UBA3: variants seen among roughly 807,000 people sequenced by gnomAD.
UBA3 encodes the protein ubiquitin like modifier activating enzyme 3, also known as NEDD8-activating enzyme E1 catalytic subunit.
Under a neutral mutation model 73.5 loss-of-function variants are expected in UBA3, and 26 were observed. That is an observed-to-expected ratio of 0.35 (90% CI 0.26 to 0.49). The LOEUF is 0.49. Among genes scored for constraint, UBA3 ranks in the 20% least tolerant of loss-of-function variants. The probability of loss-of-function intolerance (pLI) is 0.98; values close to 1 mark genes in which losing one functional copy is unlikely to be tolerated. For synonymous variants in UBA3, 217 were observed against 191.2 expected (o/e 1.13, Z -1.11); for missense variants, 495 against 555.6 (o/e 0.89, Z 1.10).
intron 4 of UBA3, among the ~76,000 whole-genome samples, chr3:69,072,239 C>G (rs116129393): frequency 0.016 from 2,405 of 152,244 alleles, 62 homozygotes; most frequent in African/African-American, 0.056. Context: ...TCAAATTTAG[C>G]AGCAGATGCA....
chr3:69,065,519 T>G (rs896021828), intron 6 of UBA3, among the ~76,000 whole-genome samples: 3 of 152,228 alleles, frequency 2.0e-5, no homozygotes, highest in African/African-American at 7.2e-5. Flanking sequence ...AAGATCTCTC[T>G]GCAGCCTCCA....
In UBA3 at chr3:69,065,083, A is replaced by G. The variant is rs566420392; in HGVS notation, c.429-972T>C. Among the ~76,000 whole-genome samples the G allele has an allele frequency of 1.2e-4, 19 of 152,246 alleles. No homozygotes were observed. The South Asian group carries it at 3.7e-3, about 30-fold the overall frequency. ...GGAGAACGAAGCTACAGCTAGAAAGAGGTCAAAAAAGAAACAAAGCAAACA... is the reference window on the plus strand; with the variant it reads ...GGAGAACGAAGCTACAGCTAGAAAGGGGTCAAAAAAGAAACAAAGCAAACA... On this transcript the variant is annotated intron_variant, in intron 6 of 17. Transcript: ENST00000361055.
rs1168236865 is a variant in UBA3, at chr3:69,055,451, G to T, written c.1378C>A (p.His460Asn). The T allele has an allele frequency of 2.0e-6, 3 of 1,520,994 alleles. No individual in the cohort carries two copies. The highest frequency in any genetic ancestry group is 2.6e-6 in the Non-Finnish European group (3 of 1,145,430). The allele number at this position is 1,520,994 out of a possible 1,614,324, so 94.2% of individuals were successfully genotyped here. ...TTPQTVLFKL[H>N]FTS ...GGAGATTTTCCTTAAGAAGTAAAAT[G>T]AAGTTTGAATAGTACAGTCTGTGGG... Residue 460 changes from histidine to asparagine, a missense_variant, in exon 18 of 18, where the codon CAT (histidine) becomes AAT (asparagine). Transcript: ENST00000361055.
Position 69,063,099 on chromosome 3 carries a change from T to G in UBA3, c.576A>C (p.Pro192=), listed in dbSNP as rs760423085. The change falls in exon 9 of 18, where the codon CCA becomes CCC. Residue 192 remains proline (P), a synonymous_variant. Transcript: ENST00000361055. ...CATCTATCAAAGGGACAATGGAGCT[T>G]GGATCTAAGACACCATCTTCATAAT... The part of the protein sequence containing the change: ...LLNYEDGVLD[P]SSIVPLIDGG... 14 of 1,613,950 alleles carry G rather than the reference T, an allele frequency of 8.7e-6. No homozygotes were observed. In the Admixed American group the frequency reaches 1.7e-4, roughly 19 times the overall value.
intron 5 of UBA3, chr3:69,071,174 C>A (rs2092119576): frequency 1.2e-5 from 2 of 167,844 alleles, no homozygotes; most frequent in African/African-American, 4.8e-5. Flanking sequence ...CAATCTCTCA[C>A]TAGGGCCTAA....
chr3:69,062,156 A>G lies in UBA3; in HGVS notation c.717T>C (p.Ile239=). Residue 239 remains isoleucine (I), a synonymous_variant, in exon 10 of 18, where the codon ATT becomes ATC. Transcript: ENST00000361055. ...GTTCTGGTAGCCTGGGCATAGATGCAATGGTGCACATGGGAAAATTAACCT... is the reference window on the plus strand; with the variant it reads ...GTTCTGGTAGCCTGGGCATAGATGCGATGGTGCACATGGGAAAATTAACCT... ...PPQVNFPMCT[I]ASMPRLPEHC... 6.2e-7 allele frequency: 1 copy of G among 1,613,300 alleles called. No homozygotes were observed. Among genetic ancestry groups the G allele is most frequent in the Non-Finnish European group, 8.5e-7 (1 of 1,179,334 alleles).
chr3:69,067,380 T>C (rs1358270820), intron 6 of UBA3, among the ~76,000 whole-genome samples: 2 of 152,244 alleles, frequency 1.3e-5, no homozygotes, highest in East Asian at 3.8e-4. Flanking sequence ...ACCGGTATGT[T>C]GATTTTGTAT....
intron 2 of UBA3, among the ~76,000 whole-genome samples, chr3:69,079,148 AAT>A (rs375586646): frequency 3.0e-4 from 45 of 152,350 alleles, no homozygotes; most frequent in African/African-American, 1.0e-3. Context: ...CAGATTACTT[AAT>A]AGACATAAAC....
chr3:69,055,746 CCATATACAAGG>C, intron 17 of UBA3, 94 bp downstream of exon 17: 1 of 1,097,590 alleles, frequency 9.1e-7, no homozygotes, highest in East Asian at 2.4e-5. Context: ...TATTACCTGA[CCATATACAAGG>C]CATTAAGAGG....
rs370923957 is a variant in UBA3 at position 69,056,080 on chromosome 3, G to C, written c.1185-17C>G. The C allele has an allele frequency of 2.2e-5, 35 of 1,585,872 alleles. No individual in the cohort carries two copies. The East Asian group carries it at 3.8e-4, about 17-fold the overall frequency. On this transcript the variant is annotated splice_polypyrimidine_tract_variant and intron_variant, in intron 15 of 17. Coordinates refer to ENST00000361055, the MANE Select transcript of UBA3 (RefSeq NM_003968.4). ...TTCATTTGCCTAAAGATTATGATGA[G>C]AGAGAAGTATCAAACATAATTTTTA...
intron 12 of UBA3, 115 bp from the exon 13 acceptor site, chr3:69,056,930 T>C: frequency 1.7e-6 from 2 of 1,190,792 alleles, no homozygotes; most frequent in Non-Finnish European, 2.4e-6. Context: ...AAAATACATA[T>C]TCCAATTTTT....
intron 6 of UBA3, among the ~76,000 whole-genome samples, chr3:69,066,593 G>A (rs748919084): frequency 2.6e-5 from 4 of 151,878 alleles, no homozygotes; most frequent in African/African-American, 4.8e-5. Flanking sequence ...CACTGTGCCC[G>A]GCTAATTTTT....
intron 2 of UBA3, among the ~76,000 whole-genome samples, chr3:69,079,215 C>T (rs372565065): frequency 1.3e-5 from 2 of 152,280 alleles, no homozygotes; most frequent in South Asian, 4.1e-4. Flanking sequence ...TATAGATAAT[C>T]ACACAGAAGA....
intron 1 of UBA3, 83 bp downstream of exon 1, chr3:69,080,251 C>T (rs923522396): frequency 3.2e-6 from 5 of 1,558,186 alleles, no homozygotes; most frequent in African/African-American, 2.7e-5. Flanking sequence ...GTGGGGACCC[C>T]GGGTGGCGGC....
At position 69,059,120 on chromosome 3, in the gene UBA3, G is replaced by C. The variant is rs76171106; in HGVS notation, c.911-1811C>G. Among the ~76,000 whole-genome samples the C allele has an allele frequency of 9.0e-3, 1,375 of 152,300 alleles. 9 individuals are homozygous for C. Among genetic ancestry groups the C allele is most frequent in the Non-Finnish European group, 0.014 (935 of 68,038 alleles). On this transcript the variant is annotated intron_variant, in intron 11 of 17. Coordinates refer to ENST00000361055, the MANE Select transcript of UBA3 (RefSeq NM_003968.4). ...GTATAGTGATTTCATTTTGATAGGG[G>C]AGATAACACAAAAGTAAATACTTGG...
Position 69,064,126 on chromosome 3 carries a change from A to G in UBA3, c.429-15T>C. 6.3e-7 allele frequency: 1 copy of G among 1,595,938 alleles called. No homozygotes were observed. Among genetic ancestry groups the G allele is most frequent in the Non-Finnish European group, 8.5e-7 (1 of 1,172,576 alleles). The stretch of plus-strand genomic sequence containing the variant: ...TGTTGAAATGTCTGAATACAAGTAA[A>G]GGAACTTAAGCAGCTAAGTTTTAAT... On this transcript the variant is annotated splice_polypyrimidine_tract_variant and intron_variant, in intron 6 of 17. Coordinates refer to ENST00000361055, the MANE Select transcript of UBA3 (RefSeq NM_003968.4).
At chr3:69,064,000 A>G (rs1465164913) in intron 7 of UBA3, 68 bp downstream of exon 7, 1 of 1,347,260 alleles carries the variant, frequency 7.4e-7, no homozygotes, top group Non-Finnish European at 1.0e-6. Flanking sequence ...AGCTAGCAAT[A>G]TTTGAATAGC....
intron 2 of UBA3, chr3:69,079,804 A>C: frequency 2.5e-6 from 1 of 396,860 alleles, no homozygotes; most frequent in Non-Finnish European, 4.5e-6. Context: ...TGCTCTGACA[A>C]TTTGGGATGG....
intron 5 of UBA3, among the ~76,000 whole-genome samples, chr3:69,070,710 T>C (rs1268360056): frequency 6.6e-6 from 1 of 152,150 alleles, no homozygotes; most frequent in Non-Finnish European, 1.5e-5. Context: ...TGGAGTACAG[T>C]GGCATGAACA....
Sources: gnomAD v4.1 joint callset for allele counts (sites outside exome capture counted in the v4.1 genomes callset) on GRCh38, gnomAD v4.1.1 for gene constraint, MANE v1.5 for transcripts, NCBI Gene and HGNC (gene_info 2026-07-23, HGNC 2026-07-21) for gene names.